FCRL6: variants seen among roughly 807,000 people sequenced by gnomAD.
FCRL6 encodes Fc receptor like 6.
In FCRL6, 50 loss-of-function variants were observed where a neutral mutation model predicts 49.1. That is an observed-to-expected ratio of 1.02 (90% CI 0.81 to 1.29). The LOEUF (loss-of-function observed/expected upper bound fraction) is 1.29, where lower values mean the gene tolerates loss of function less well. Among genes scored for constraint, FCRL6 ranks in the 50% most tolerant of loss-of-function variants. The pLI, the probability that FCRL6 is intolerant of heterozygous loss-of-function variation, is 0.00. For synonymous variants in FCRL6, 213 were observed against 199.6 expected, an observed-to-expected ratio of 1.07 and a Z score of -0.57; for missense variants, 571 against 518.5, an observed-to-expected ratio of 1.10 and a Z score of -0.98.
chr1:159,807,206 G>C (rs368907051), intron 2 of FCRL6, among the ~76,000 whole-genome samples: 3 of 152,230 alleles, frequency 2.0e-5, no homozygotes, highest in African/African-American at 7.2e-5. Context: ...CCTGCTGTTC[G>C]GTAATGCGGT....
intron 1 of FCRL6, among the ~76,000 whole-genome samples, chr1:159,804,173 A>G (rs1180304302): frequency 1.3e-5 from 2 of 152,190 alleles, no homozygotes; most frequent in Non-Finnish European, 2.9e-5. Flanking sequence ...CCCTCCCAGC[A>G]ATGTGACTGC....
upstream of FCRL6, among the ~76,000 whole-genome samples, chr1:159,801,234 A>C (rs990743401): frequency 6.6e-6 from 1 of 152,214 alleles, no homozygotes; most frequent in Non-Finnish European, 1.5e-5. Context: ...ATGTTTTTTC[A>C]GGCTTATATG....
intron 4 of FCRL6, 72 bp from the exon 5 acceptor site, chr1:159,809,330 G>C: frequency 6.5e-7 from 1 of 1,527,374 alleles, no homozygotes; most frequent in East Asian, 2.3e-5. Flanking sequence ...GTTGGGGGAA[G>C]GGTCCCCAGG....
chr1:159,803,817 G>A (rs1662497073), intron 1 of FCRL6, among the ~76,000 whole-genome samples: 1 of 152,180 alleles, frequency 6.6e-6, no homozygotes, highest in Non-Finnish European at 1.5e-5. Context: ...TTGATGCTCA[G>A]GGACCCTGGA....
At chr1:159,803,055 T>C (rs1662443227) in intron 1 of FCRL6, among the ~76,000 whole-genome samples, 1 of 152,224 alleles carries the variant, frequency 6.6e-6, no homozygotes, top group South Asian at 2.1e-4. Context: ...CGCCTACATC[T>C]TCTCTCTGTT....
At chr1:159,810,254 C>G (rs1663015283) in intron 6 of FCRL6, 38 bp downstream of exon 6, 1 of 1,594,878 alleles carries the variant, frequency 6.3e-7, no homozygotes, top group Non-Finnish European at 8.5e-7. Flanking sequence ...CTGCTGAATC[C>G]CTGTGCCAGG....
intron 6 of FCRL6, among the ~76,000 whole-genome samples, chr1:159,812,655 C>T (rs960019965): frequency 6.6e-6 from 1 of 152,240 alleles, no homozygotes; most frequent in African/African-American, 2.4e-5. Context: ...TTGGAGAATG[C>T]TTAATCACTG....
At chr1:159,801,428 A>G (rs982731027), upstream of FCRL6, among the ~76,000 whole-genome samples, 8 of 152,212 alleles carry the variant, frequency 5.3e-5, no homozygotes, top group Non-Finnish European at 1.0e-4. Flanking sequence ...AGAGGATTGC[A>G]TGGGGAGGGT....
chr1:159,810,265 C>A (rs963323234), intron 6 of FCRL6, 49 bp downstream of exon 6: 5 of 1,574,770 alleles, frequency 3.2e-6, no homozygotes, highest in Non-Finnish European at 4.3e-6. Context: ...CTGTGCCAGG[C>A]CCTGCCCAGA....
rs991555998 is a variant in FCRL6, at chr1:159,815,445, A to G, written c.1165A>G (p.Thr389Ala). The change falls in exon 9 of 10, where the codon ACC becomes GCC. Residue 389 changes from threonine to alanine, a missense_variant. By Grantham distance (58) the Thr-to-Ala change is moderately conservative. Transcript: ENST00000368106. The stretch of plus-strand genomic sequence containing the variant: ...CCCCACAGCCAGGTCTGCTGAGTTC[A>G]CCGTGGGGAGAAAGGTGAGCTGGGA... The part of the protein sequence containing the change: ...KRSEARSAEF[T>A]VGRKDSSIIC... The G allele has an allele frequency of 1.9e-6, 3 of 1,613,980 alleles. No homozygotes were observed. Among genetic ancestry groups the G allele is most frequent in the Non-Finnish European group, 2.5e-6 (3 of 1,179,976 alleles).
chr1:159,806,712 C>A, intron 2 of FCRL6, 96 bp downstream of exon 2: 1 of 1,245,532 alleles, frequency 8.0e-7, no homozygotes, highest in African/African-American at 1.5e-5. Flanking sequence ...CCCCCAGAAA[C>A]ATCTGCAGAG....
At chr1:159,805,008 A>C (rs1662585410) in intron 1 of FCRL6, among the ~76,000 whole-genome samples, 2 of 152,248 alleles carry the variant, frequency 1.3e-5, no homozygotes, top group Non-Finnish European at 2.9e-5. Context: ...GATATGACAG[A>C]ATGAGATATT....
chr1:159,802,544 C>A, intron 1 of FCRL6, 89 bp downstream of exon 1: 1 of 1,218,562 alleles, frequency 8.2e-7, no homozygotes, highest in Non-Finnish European at 1.2e-6. Context: ...TTACCTTTCC[C>A]AATTCCAGTG....
chr1:159,815,559 G>A lies in FCRL6; in HGVS notation c.1203G>A (p.Glu401=), dbSNP rs1186411872. 1 of 1,614,190 alleles carries A rather than the reference G, an allele frequency of 6.2e-7. No individual in the cohort carries two copies. The highest frequency in any genetic ancestry group is 8.5e-7 in the Non-Finnish European group (1 of 1,180,020). The part of the protein sequence containing the change: ...GRKDSSIICA[E]VRCLQPSEVS... Reference sequence around the variant, plus strand: ...AGGACAGTTCTATCATCTGTGCGGAGGTGAGATGCCTGCAGCCCAGTGAGG... The same window carrying A: ...AGGACAGTTCTATCATCTGTGCGGAAGTGAGATGCCTGCAGCCCAGTGAGG... Residue 401 remains glutamate (E), a synonymous_variant, in exon 10 of 10, where the codon GAG becomes GAA. Coordinates refer to ENST00000368106, the MANE Select transcript of FCRL6 (RefSeq NM_001004310.3).
upstream of FCRL6, among the ~76,000 whole-genome samples, chr1:159,801,918 C>G (rs533124995): frequency 6.6e-6 from 1 of 152,206 alleles, no homozygotes; most frequent in South Asian, 2.1e-4. Flanking sequence ...TCCACTTCTC[C>G]ATCGCATTGC....
At chr1:159,813,350 C>A in intron 6 of FCRL6, 139 bp from the exon 7 acceptor site, 3 of 692,166 alleles carry the variant, frequency 4.3e-6, no homozygotes, top group East Asian at 2.6e-5. Context: ...CATGTCCAGA[C>A]CTGTGAACTA....
At chr1:159,803,029 TTGAC>T (rs1662441616) in intron 1 of FCRL6, among the ~76,000 whole-genome samples, 1 of 152,222 alleles carries the variant, frequency 6.6e-6, no homozygotes, top group Non-Finnish European at 1.5e-5. Context: ...CCTTTTCAAA[TTGAC>T]TGTCTCTCTT....
Position 159,809,278 on chromosome 1 carries a change from G to A in FCRL6, c.604+33G>A, listed in dbSNP as rs767303328. ...CGCGAGAGAGTGGAGATGCCCCCAG[G>A]GCCCTGGGCGTCAGGCAGTGGGATC... is the stretch of plus-strand genomic sequence containing the variant. On this transcript the variant is annotated intron_variant, in intron 4 of 9. Transcript: ENST00000368106. 5.9e-6 allele frequency: 9 copies of A among 1,527,370 alleles called. No homozygotes were observed. In the African/African-American group the frequency reaches 1.1e-4, roughly 19 times the overall value. The allele number at this position is 1,527,370 out of a possible 1,614,324, so 94.6% of individuals were successfully genotyped here.
At chr1:159,810,029 G>A (rs79300351) in intron 5 of FCRL6, 65 bp from the exon 6 acceptor site, 316 of 1,559,052 alleles carry the variant, frequency 2.0e-4, no homozygotes, top group Admixed American at 3.2e-4. Context: ...TTCTGTGCCA[G>A]GCTAGAATGC....
Sources: gnomAD v4.1 joint callset for allele counts (sites outside exome capture counted in the v4.1 genomes callset) on GRCh38, gnomAD v4.1.1 for gene constraint, MANE v1.5 for transcripts, NCBI Gene and HGNC (gene_info 2026-07-23, HGNC 2026-07-21) for gene names.